Variants in SOX5 observed in about 807,000 individuals in gnomAD.
The protein encoded by SOX5 is SRY-box transcription factor 5, also known as transcription factor SOX-5.
Under a neutral mutation model 92.0 loss-of-function variants are expected in SOX5, and 9 were observed. The observed-to-expected ratio is 0.10, with a 90% CI of 0.06 to 0.17. The LOEUF (loss-of-function observed/expected upper bound fraction) is 0.17. SOX5 is among the 10% of genes least tolerant of loss of function. SOX5 has a pLI of 1.00. For synonymous variants in SOX5, 344 were observed against 336.3 expected (o/e 1.02, Z -0.25); for missense variants, 642 against 944.5 (o/e 0.68, Z 4.20).
chr12:24,441,263 C>A (rs1335142957), intron 1 of SOX5, among the ~76,000 whole-genome samples: 1 of 152,186 alleles, frequency 6.6e-6, no homozygotes, highest in African/African-American at 2.4e-5. Context: ...TCCTACACTG[C>A]GTGTGCAATA....
chr12:24,465,228 G>T (rs983963094), intron 1 of SOX5, among the ~76,000 whole-genome samples: 25 of 152,128 alleles, frequency 1.6e-4, no homozygotes, highest in Non-Finnish European at 2.8e-4. Flanking sequence ...ATGACATAGA[G>T]AGAATTAAAC....
intron 2 of SOX5, among the ~76,000 whole-genome samples, chr12:24,285,645 C>T (rs183220658): frequency 5.8e-4 from 89 of 152,202 alleles, no homozygotes; most frequent in African/African-American, 1.6e-3. Context: ...TAGGTGGCAG[C>T]GACTAGTTAA....
intron 8 of SOX5, among the ~76,000 whole-genome samples, chr12:23,615,944 T>G (rs1006371139): frequency 9.9e-5 from 15 of 152,214 alleles, no homozygotes; most frequent in African/African-American, 3.4e-4. Flanking sequence ...TTCATAATAA[T>G]AAACACCATA....
intron 2 of SOX5, among the ~76,000 whole-genome samples, chr12:23,882,457 G>GCACTC (rs2097005238): frequency 6.6e-6 from 1 of 151,848 alleles, no homozygotes; most frequent in Non-Finnish European, 1.5e-5. Context: ...GGATGTTCAT[G>GCACTC]CAGGAAAATT....
chr12:24,298,267 C>A (rs1054944471), intron 2 of SOX5, among the ~76,000 whole-genome samples: 3 of 152,104 alleles, frequency 2.0e-5, no homozygotes, highest in African/African-American at 7.2e-5. Flanking sequence ...AAAGGTTTTG[C>A]CATATTGCTC....
intron 1 of SOX5, among the ~76,000 whole-genome samples, chr12:23,918,183 CCTA>C (rs1365041719): frequency 1.3e-5 from 2 of 152,036 alleles, no homozygotes; most frequent in Non-Finnish European, 2.9e-5. Context: ...ATGTTTTATG[CCTA>C]CTAACAATAC....
At chr12:24,465,494 CA>C (rs1944126291) in intron 1 of SOX5, among the ~76,000 whole-genome samples, 2 of 152,124 alleles carry the variant, frequency 1.3e-5, no homozygotes, top group Non-Finnish European at 2.9e-5. Context: ...TGAGGAAAAA[CA>C]GACTTTGTTC....
chr12:24,098,320 G>A, intron 4 of SOX5, among the ~76,000 whole-genome samples: 1 of 152,116 alleles, frequency 6.6e-6, no homozygotes, highest in East Asian at 1.9e-4. Flanking sequence ...GGGGTTTCCA[G>A]TGGCAGTCCA....
intron 1 of SOX5, among the ~76,000 whole-genome samples, chr12:24,544,925 G>A (rs965359588): frequency 2.6e-5 from 4 of 152,080 alleles, no homozygotes; most frequent in Admixed American, 2.6e-4. Flanking sequence ...TTCTAATTAC[G>A]TTTCTGATTT....
intron 4 of SOX5, among the ~76,000 whole-genome samples, chr12:24,070,056 C>T (rs1204896020): frequency 6.6e-6 from 1 of 152,148 alleles, no homozygotes; most frequent in Non-Finnish European, 1.5e-5. Flanking sequence ...ATACTGATCC[C>T]TCTCACACAG....
chr12:23,979,698 GTTTTTTTTGTT>G lies in SOX5; in HGVS notation c.-1-83685_-1-83675del, dbSNP rs1361824811. Among the ~76,000 whole-genome samples the G allele has an allele frequency of 9.3e-4, 60 of 64,694 alleles. 4 individuals carry two copies. The highest frequency in any genetic ancestry group is 3.1e-3 in the East Asian group (4 of 1,284). The allele number at this position is 64,694 out of a possible 152,430, so 42.4% of individuals were successfully genotyped here. On this transcript the variant is annotated intron_variant, in intron 4 of 4. Transcript: ENST00000446891. ...TTCTTCCTTCCATATATATATATAT[GTTTTTTTTGTT>G]TTTTTTTTTTTTTTTTTTTTTTTTT...
intron 6 of SOX5, among the ~76,000 whole-genome samples, chr12:23,714,791 A>ATT (rs2092358472): frequency 6.6e-6 from 1 of 152,236 alleles, no homozygotes; most frequent in Admixed American, 6.5e-5. Flanking sequence ...TTGCTTTTCA[A>ATT]ATGAATAAAT....
intron 4 of SOX5, among the ~76,000 whole-genome samples, chr12:24,119,488 T>A (rs1016691387): frequency 6.6e-6 from 1 of 152,126 alleles, no homozygotes; most frequent in African/African-American, 2.4e-5. Flanking sequence ...TTGGCAAGAA[T>A]CATACCTTAA....
intron 3 of SOX5, among the ~76,000 whole-genome samples, chr12:24,224,476 A>T (rs1445552473): frequency 6.6e-6 from 1 of 152,018 alleles, no homozygotes; most frequent in Non-Finnish European, 1.5e-5. Context: ...AGTTCAAATG[A>T]TAGAATTTAC....
In SOX5 at chr12:24,556,628, A is replaced by G. The variant is rs115046704; in HGVS notation, c.-251+5701T>C. On this transcript the variant is annotated intron_variant, in intron 1 of 4. Transcript: ENST00000446891. ...AATTTTCACTAGTTCATATTTGCTA[A>G]CAGGAAATCAAAAAGATAACAAGAG... Among the ~76,000 whole-genome samples, 679 of 152,390 alleles carry G rather than the reference A, an allele frequency of 4.5e-3. 1 individual carries two copies. The highest frequency in any genetic ancestry group is 0.015 in the African/African-American group (642 of 41,594).
At chr12:24,088,051 A>C (rs1418323819) in intron 4 of SOX5, among the ~76,000 whole-genome samples, 2 of 152,080 alleles carry the variant, frequency 1.3e-5, no homozygotes, top group Non-Finnish European at 2.9e-5. Context: ...CCCCCAGGAA[A>C]GCTACAAGCA....
In SOX5 at chr12:23,780,265, T is replaced by C. The variant is rs1050619560; in HGVS notation, c.482-24541A>G. Among the ~76,000 whole-genome samples, 6 of 151,890 alleles carry C rather than the reference T, an allele frequency of 4.0e-5. 1 individual carries two copies. Among genetic ancestry groups the C allele is most frequent in the African/African-American group, 1.4e-4 (6 of 41,386 alleles). On this transcript the variant is annotated intron_variant, in intron 3 of 14. Transcript: ENST00000451604. ...TTTTCTTAATTTTATAAATTTTCTA[T>C]TACAAGACTACAGATTTATACACAT...
At position 23,860,969 on chromosome 12, in the gene SOX5, A is replaced by C. The variant is rs866958746; in HGVS notation, c.271-14776T>G. On this transcript the variant is annotated intron_variant, in intron 2 of 14. Transcript: ENST00000451604. ...ATATTTTGTAAAAAAAAAAAAAAAAAAAAAAAAAACCCTGCCAACATAGAA... is the reference window on the plus strand; with the variant it reads ...ATATTTTGTAAAAAAAAAAAAAAAACAAAAAAAAACCCTGCCAACATAGAA... Among the ~76,000 whole-genome samples, 749 of 150,564 alleles carry C rather than the reference A, an allele frequency of 5.0e-3. 8 individuals carry two copies. Among genetic ancestry groups the C allele is most frequent in the Non-Finnish European group, 7.6e-3 (515 of 67,658 alleles).
In SOX5 at chr12:23,697,356, A is replaced by G. The variant is rs1024702401; in HGVS notation, c.811-31792T>C. On this transcript the variant is annotated intron_variant, in intron 6 of 14. Transcript: ENST00000451604. ...GATAATATTCCTAGCTCTGAAATCT[A>G]TTTGACACTTTTATAGCTATTCCAG... Among the ~76,000 whole-genome samples the G allele has an allele frequency of 2.6e-5, 4 of 152,150 alleles. No homozygotes were observed. In the South Asian group the frequency reaches 6.2e-4, roughly 24 times the overall value.
Sources: gnomAD v4.1 joint callset for allele counts (sites outside exome capture counted in the v4.1 genomes callset) on GRCh38, gnomAD v4.1.1 for gene constraint, MANE v1.5 for transcripts, NCBI Gene and HGNC (gene_info 2026-07-23, HGNC 2026-07-21) for gene names.